Variants in KCNJ16 observed in about 807,000 individuals in gnomAD.
KCNJ16 encodes the protein potassium inwardly rectifying channel subfamily J member 16, also known as inward rectifier potassium channel 16.
Under a neutral mutation model 18.5 loss-of-function variants are expected in KCNJ16, and 15 were observed. The ratio of observed to expected loss-of-function variants is 0.81; its 90% CI spans 0.54 to 1.25. The LOEUF (loss-of-function observed/expected upper bound fraction) is 1.25. KCNJ16 is among the 50% of genes most tolerant of loss of function. The probability of loss-of-function intolerance (pLI) is 0.00; values close to 1 mark genes in which losing one functional copy is unlikely to be tolerated. For synonymous variants in KCNJ16, 174 were observed against 186.5 expected (o/e 0.93, Z 0.55); for missense variants, 523 against 525.7 (o/e 0.99, Z 0.05).
intron 1 of KCNJ16, among the ~76,000 whole-genome samples, chr17:70,082,534 T>TA (rs1158262712): frequency 1.3e-5 from 2 of 152,182 alleles, no homozygotes; most frequent in Non-Finnish European, 2.9e-5. Flanking sequence ...AGCTAATTAG[T>TA]GTTTTCCTAC....
intron 2 of KCNJ16, among the ~76,000 whole-genome samples, chr17:70,111,743 G>C (rs2073193181): frequency 6.6e-6 from 1 of 151,982 alleles, no homozygotes; most frequent in Admixed American, 6.6e-5. Flanking sequence ...TGTTCCCATG[G>C]TAGTAAGTCT....
Position 70,135,462 on chromosome 17 carries a change from C to G in KCNJ16, c.*2118C>G, listed in dbSNP as rs2074190472. Reference sequence around the variant, plus strand: ...ATACATTTTGTTGTGCTATGAGCCTCTGTAATCAAATGCTTGTACTCAGAA... The same window carrying G: ...ATACATTTTGTTGTGCTATGAGCCTGTGTAATCAAATGCTTGTACTCAGAA... On this transcript the variant is annotated 3_prime_UTR_variant, in exon 4 of 4. Coordinates refer to ENST00000392671, the MANE Select transcript of KCNJ16 (RefSeq NM_170741.4). 6.0e-6 allele frequency: 1 copy of G among 167,030 alleles called. No homozygotes were observed. The highest frequency in any genetic ancestry group is 2.4e-5 in the African/African-American group (1 of 41,414). 10.3% of individuals were successfully genotyped at this position (167,030 alleles called of 1,614,324 possible).
intron 2 of KCNJ16, among the ~76,000 whole-genome samples, chr17:70,102,460 T>G (rs375873650): frequency 3.5e-4 from 53 of 151,796 alleles, no homozygotes; most frequent in African/African-American, 1.2e-3. Context: ...ACTCCTGACC[T>G]CGTGATCTGC....
intron 2 of KCNJ16, among the ~76,000 whole-genome samples, chr17:70,102,585 TA>T (rs1356086171): frequency 2.6e-5 from 4 of 152,230 alleles, no homozygotes; most frequent in African/African-American, 9.6e-5. Context: ...TTTACTTAAC[TA>T]AAAAAATCAG....
chr17:70,080,414 T>C (rs564575991), intron 1 of KCNJ16, among the ~76,000 whole-genome samples: 6 of 152,282 alleles, frequency 3.9e-5, no homozygotes, highest in African/African-American at 1.4e-4. Flanking sequence ...GGTATGACTA[T>C]ATATCCAACA....
chr17:70,097,020 C>T (rs2072408098), intron 1 of KCNJ16: 1 of 394,450 alleles, frequency 2.5e-6, no homozygotes, highest in Admixed American at 4.4e-5. Flanking sequence ...AAGAAATCTC[C>T]ATGGTGAAAT....
intron 1 of KCNJ16, among the ~76,000 whole-genome samples, chr17:70,080,086 A>G (rs1386266090): frequency 6.6e-6 from 1 of 152,178 alleles, no homozygotes; most frequent in African/African-American, 2.4e-5. Context: ...GGTAAAGAGT[A>G]AGTTATTTCT....
chr17:70,098,932 C>T (rs2072504887), intron 1 of KCNJ16, among the ~76,000 whole-genome samples: 1 of 152,192 alleles, frequency 6.6e-6, no homozygotes, highest in South Asian at 2.1e-4. Flanking sequence ...CCTGAGCCAG[C>T]TCCCACTAGC....
intron 1 of KCNJ16, among the ~76,000 whole-genome samples, chr17:70,085,279 GT>G (rs2071743231): frequency 6.6e-6 from 1 of 152,132 alleles, no homozygotes; most frequent in Admixed American, 6.5e-5. Flanking sequence ...ACAACACAGG[GT>G]TCTAAACCTG....
chr17:70,128,613 G>T (rs1418202216), intron 2 of KCNJ16: 1 of 152,104 alleles, frequency 6.6e-6, no homozygotes. Flanking sequence ...TACTACCTTT[G>T]TCATTATTAT....
At chr17:70,078,830 A>G (rs764521876) in intron 1 of KCNJ16, among the ~76,000 whole-genome samples, 39 of 152,282 alleles carry the variant, frequency 2.6e-4, no homozygotes, top group Non-Finnish European at 5.3e-4. Flanking sequence ...TTTTCCAGGA[A>G]GGCAAGAGGG....
intron 2 of KCNJ16, among the ~76,000 whole-genome samples, chr17:70,127,664 C>T (rs999812442): frequency 1.3e-5 from 2 of 152,102 alleles, no homozygotes; most frequent in African/African-American, 4.8e-5. Flanking sequence ...TCCACCTAAG[C>T]CTGTCTTCAA....
At chr17:70,081,176 T>C (rs2071536817) in intron 1 of KCNJ16, among the ~76,000 whole-genome samples, 1 of 151,974 alleles carries the variant, frequency 6.6e-6, no homozygotes, top group Non-Finnish European at 1.5e-5. Flanking sequence ...TGCTCTTTAT[T>C]TTGTAACTTG....
At chr17:70,079,202 T>C (rs914930957) in intron 1 of KCNJ16, among the ~76,000 whole-genome samples, 2 of 152,094 alleles carry the variant, frequency 1.3e-5, no homozygotes, top group African/African-American at 4.8e-5. Flanking sequence ...CAGTATTGAG[T>C]TCAAATCTGC....
intron 2 of KCNJ16, among the ~76,000 whole-genome samples, chr17:70,103,934 TATC>T (rs1257160537): frequency 8.9e-6 from 1 of 111,832 alleles, no homozygotes; most frequent in Non-Finnish European, 1.7e-5. Context: ...TTTATTTTAT[TATC>T]TTTTTTTTTT....
chr17:70,112,439 A>G (rs1174130933), intron 2 of KCNJ16, among the ~76,000 whole-genome samples: 1 of 151,624 alleles, frequency 6.6e-6, no homozygotes, highest in African/African-American at 2.4e-5. Flanking sequence ...TTCAAATGCC[A>G]ATGATGTTTA....
intron 2 of KCNJ16, among the ~76,000 whole-genome samples, chr17:70,110,965 C>T (rs1362830804): frequency 6.6e-6 from 1 of 152,088 alleles, no homozygotes; most frequent in Non-Finnish European, 1.5e-5. Context: ...GTGTGTATAT[C>T]AAGGGCTGAT....
At chr17:70,089,889 T>TA (rs2072006505) in intron 1 of KCNJ16, among the ~76,000 whole-genome samples, 1 of 152,214 alleles carries the variant, frequency 6.6e-6, no homozygotes, top group Non-Finnish European at 1.5e-5. Flanking sequence ...GTAACCGTGG[T>TA]AATAACTGCT....
At chr17:70,080,313 G>C (rs973846067) in intron 1 of KCNJ16, among the ~76,000 whole-genome samples, 1 of 152,136 alleles carries the variant, frequency 6.6e-6, no homozygotes, top group Admixed American at 6.5e-5. Context: ...ATACCTTTTA[G>C]AAGTATTAAT....
Sources: allele counts gnomAD v4.1 joint callset (sites outside exome capture counted in the v4.1 genomes callset), GRCh38; gene constraint gnomAD v4.1.1; transcripts MANE v1.5; gene names NCBI Gene and HGNC (gene_info 2026-07-23, HGNC 2026-07-21).